Variants in TP53BP1 observed in about 807,000 individuals in gnomAD.
TP53BP1 encodes the protein tumor protein p53 binding protein 1.
TP53BP1 carries 61 observed loss-of-function variants against 200.8 expected under a neutral mutation model. That is an observed-to-expected ratio of 0.30 (90% CI 0.25 to 0.38). The LOEUF (loss-of-function observed/expected upper bound fraction) is 0.38. TP53BP1 is among the 10% of genes least tolerant of loss of function. The probability of loss-of-function intolerance (pLI) is 1.00; values close to 1 mark genes in which losing one functional copy is unlikely to be tolerated. For synonymous variants in TP53BP1, 822 were observed against 844.3 expected (o/e 0.97, Z 0.46); for missense variants, 2,144 against 2,371.9 (o/e 0.90, Z 2.00).
At chr15:43,464,823 G>A (rs989177532) in intron 11 of TP53BP1, among the ~76,000 whole-genome samples, 4 of 152,016 alleles carry the variant, frequency 2.6e-5, no homozygotes, top group Admixed American at 6.6e-5. Flanking sequence ...CAGGAGAATC[G>A]CTTGAACCTG....
chr15:43,467,512 A>T (rs914528819), intron 11 of TP53BP1, among the ~76,000 whole-genome samples: 1 of 136,976 alleles, frequency 7.3e-6, no homozygotes, highest in Non-Finnish European at 1.5e-5. Context: ...CATTTGTCTC[A>T]AATTTTCATT....
intron 17 of TP53BP1, among the ~76,000 whole-genome samples, chr15:43,429,760 C>A (rs989234061): frequency 7.9e-5 from 12 of 152,220 alleles, no homozygotes; most frequent in Non-Finnish European, 1.5e-4. Flanking sequence ...TACACAGACA[C>A]AACTCTGTCT....
chr15:43,406,341 T>C lies in TP53BP1; in HGVS notation c.*1042A>G. On this transcript the variant is annotated 3_prime_UTR_variant, in exon 28 of 28. Coordinates refer to ENST00000382044, the MANE Select transcript of TP53BP1 (RefSeq NM_001141980.3). ...ATCTGGTTTTCATCACTACATATTC[T>C]ACACACACTGGGAAGCTCTGACAAC... The C allele has an allele frequency of 3.3e-6, 1 of 306,372 alleles. No individual in the cohort carries two copies. Among genetic ancestry groups the C allele is most frequent in the South Asian group, 3.0e-5 (1 of 32,874 alleles). 19.0% of individuals were successfully genotyped at this position (306,372 alleles called of 1,614,324 possible).
chr15:43,442,131 G>C (rs1175141699), intron 14 of TP53BP1, among the ~76,000 whole-genome samples: 2 of 148,594 alleles, frequency 1.3e-5, no homozygotes, highest in African/African-American at 5.0e-5. Context: ...TGTCGCCCAG[G>C]CTGGAGTGCA....
rs540434582 is a variant in TP53BP1 at position 43,445,011 on chromosome 15, T to G, written c.3040+1376A>C. Among the ~76,000 whole-genome samples the G allele has an allele frequency of 4.2e-3, 638 of 152,304 alleles. 8 individuals carry two copies. Among genetic ancestry groups the G allele is most frequent in the Non-Finnish European group, 5.5e-3 (372 of 68,032 alleles). The stretch of plus-strand genomic sequence containing the variant: ...TCCCGCAAGCTTAGTGTTCCAATAG[T>G]GGAACACTAGGCATAAATGGGTTAA... On this transcript the variant is annotated intron_variant, in intron 14 of 27. Transcript: ENST00000382044.
chr15:43,492,226 G>A (rs928945359), intron 2 of TP53BP1, 58 bp downstream of exon 2: 4 of 1,526,836 alleles, frequency 2.6e-6, no homozygotes, highest in Admixed American at 1.9e-5. Context: ...TATGTTTGCT[G>A]GTTTTCGGTT....
chr15:43,428,074 C>T lies in TP53BP1; in HGVS notation c.3770G>A (p.Arg1257His), dbSNP rs1305202353. ...TIREVRTLVTRVITDVYYVDG... is the reference protein window; with the variant it reads ...TIREVRTLVTHVITDVYYVDG... ...CACATAATACACATCTGTAATGACA[C>T]GAGTGACAAGTGTGCGTACTTCCCG... The change falls in exon 18 of 28, where the codon CGT becomes CAT. Residue 1257 changes from arginine to histidine, a missense_variant. Arg to His is a conservative substitution (Grantham distance 29, BLOSUM62 0). Transcript: ENST00000382044. The T allele has an allele frequency of 5.0e-6, 8 of 1,613,040 alleles. No homozygotes were observed. The highest frequency in any genetic ancestry group is 1.7e-5 in the Admixed American group (1 of 60,004).
intron 11 of TP53BP1, among the ~76,000 whole-genome samples, chr15:43,469,243 A>G (rs1336134997): frequency 1.3e-5 from 2 of 152,148 alleles, no homozygotes; most frequent in African/African-American, 4.8e-5. Context: ...CCTCGCTTTT[A>G]GAAGAAAATA....
intron 3 of TP53BP1, 33 bp from the exon 4 acceptor site, chr15:43,491,786 A>C (rs1190041720): frequency 7.2e-6 from 11 of 1,536,266 alleles, no homozygotes; most frequent in Admixed American, 5.0e-5. Context: ...AGCATGAAAG[A>C]CATTTACCAA....
In TP53BP1 at chr15:43,413,084, T is replaced by C. The variant is rs368835894; in HGVS notation, c.5305+35A>G. 5.0e-6 allele frequency: 8 copies of C among 1,602,928 alleles called. No homozygotes were observed. In the African/African-American group the frequency reaches 8.0e-5, roughly 16 times the overall value. ...TGACTGGAAAAGAAAGAAGTGCCTA[T>C]GTGTCAGAGCTCCCAGGGCTTCCTA... is the stretch of plus-strand genomic sequence containing the variant. On this transcript the variant is annotated intron_variant, in intron 24 of 27. Transcript: ENST00000382044.
chr15:43,420,026 G>C (rs866315938), intron 21 of TP53BP1, among the ~76,000 whole-genome samples: 1 of 152,202 alleles, frequency 6.6e-6, no homozygotes, highest in East Asian at 1.9e-4. Flanking sequence ...AATAGGGAAA[G>C]CTGGATGAGG....
intron 11 of TP53BP1, among the ~76,000 whole-genome samples, chr15:43,468,474 G>A (rs1380272933): frequency 6.7e-6 from 1 of 150,342 alleles, no homozygotes; most frequent in Non-Finnish European, 1.5e-5. Context: ...TTGAGACTGG[G>A]AAGTCAAGGC....
chr15:43,445,284 CCGAAGT>C (rs1430909892), intron 14 of TP53BP1, among the ~76,000 whole-genome samples: 1 of 152,122 alleles, frequency 6.6e-6, no homozygotes, highest in African/African-American at 2.4e-5. Flanking sequence ...AATTGCCTCG[CCGAAGT>C]CAAAGTATAT....
chr15:43,483,233 A>AACACACACACACACAC lies in TP53BP1; in HGVS notation c.372-2227_372-2212dup, dbSNP rs71431896. Among the ~76,000 whole-genome samples the AACACACACACACACAC allele has an allele frequency of 4.2e-3, 606 of 142,796 alleles. 5 individuals are homozygous for AACACACACACACACAC. The highest frequency in any genetic ancestry group is 0.014 in the African/African-American group (543 of 38,140). 93.7% of individuals were successfully genotyped at this position (142,796 alleles called of 152,430 possible). On this transcript the variant is annotated intron_variant, in intron 4 of 27. Transcript: ENST00000382044. ...ATTAATCCTCCCCAAAAAAGTACAG[A>AACACACACACACACAC]ACACACACACACACACACACACACA...
intron 18 of TP53BP1, among the ~76,000 whole-genome samples, chr15:43,427,185 G>C (rs1288549847): frequency 6.6e-6 from 1 of 152,048 alleles, no homozygotes; most frequent in Admixed American, 6.6e-5. Context: ...TGCCATTCAA[G>C]ATAACAAACA....
intron 14 of TP53BP1, among the ~76,000 whole-genome samples, chr15:43,442,990 T>C (rs2045964977): frequency 6.6e-6 from 1 of 151,434 alleles, no homozygotes; most frequent in South Asian, 2.1e-4. Context: ...CATGTCCGGC[T>C]AATTTTTATA....
intron 4 of TP53BP1, among the ~76,000 whole-genome samples, chr15:43,490,396 T>C (rs771302508): frequency 1.3e-5 from 2 of 151,722 alleles, no homozygotes; most frequent in Non-Finnish European, 2.9e-5. Flanking sequence ...TCCTTTTTTT[T>C]TTTCTTTTGT....
At chr15:43,460,951 G>A (rs567563108) in intron 11 of TP53BP1, among the ~76,000 whole-genome samples, 2 of 151,024 alleles carry the variant, frequency 1.3e-5, no homozygotes, top group Non-Finnish European at 2.9e-5. Context: ...GCAGTGAGCA[G>A]TGTGATTGTG....
intron 16 of TP53BP1, among the ~76,000 whole-genome samples, chr15:43,434,254 T>A: frequency 6.6e-6 from 1 of 152,334 alleles, no homozygotes; most frequent in East Asian, 1.9e-4. Flanking sequence ...ATATTGAGCA[T>A]AGCAGATGCT....
Sources: gnomAD v4.1 joint callset for allele counts (sites outside exome capture counted in the v4.1 genomes callset) on GRCh38, gnomAD v4.1.1 for gene constraint, MANE v1.5 for transcripts, NCBI Gene and HGNC (gene_info 2026-07-23, HGNC 2026-07-21) for gene names.